The following OLA1 variants were observed in gnomAD, a reference collection of about 807,000 sequenced individuals.
The protein encoded by OLA1 is obg-like ATPase 1.
OLA1 carries 14 observed loss-of-function variants against 48.4 expected under a neutral mutation model. The ratio of observed to expected loss-of-function variants is 0.29; its 90% CI spans 0.19 to 0.45. OLA1 has a LOEUF of 0.45. Among genes scored for constraint, OLA1 ranks in the 20% least tolerant of loss-of-function variants. The pLI is 1.00. For synonymous variants in OLA1, 127 were observed against 150.4 expected (o/e 0.84, Z 1.14); for missense variants, 325 against 467.1 (o/e 0.70, Z 2.80).
At chr2:174,141,754 C>T (rs1383188703) in intron 5 of OLA1, 71 bp downstream of exon 5, 1 of 1,118,532 alleles carries the variant, frequency 8.9e-7, no homozygotes, top group Non-Finnish European at 1.3e-6. Flanking sequence ...GTATCATATG[C>T]ATTATTTAAA....
chr2:174,123,712 T>A (rs1685976699), intron 5 of OLA1, 37 bp from the exon 6 acceptor site: 3 of 1,100,920 alleles, frequency 2.7e-6, no homozygotes, highest in Non-Finnish European at 3.9e-6. Context: ...TATATATGAA[T>A]AACTAAACAT....
chr2:174,189,761 A>G (rs929131816), intron 4 of OLA1, among the ~76,000 whole-genome samples: 15 of 151,992 alleles, frequency 9.9e-5, no homozygotes, highest in Non-Finnish European at 1.0e-4. Flanking sequence ...TGACCCAACA[A>G]TCCCATTTTT....
intron 5 of OLA1, 23 bp from the exon 6 acceptor site, chr2:174,123,698 T>C (rs1164280464): frequency 7.8e-7 from 1 of 1,282,558 alleles, no homozygotes; most frequent in Non-Finnish European, 1.1e-6. Context: ...GAGAAAAAGG[T>C]AAATATATAT....
intron 5 of OLA1, among the ~76,000 whole-genome samples, chr2:174,132,402 ATTG>A (rs1686204617): frequency 6.6e-6 from 1 of 151,476 alleles, no homozygotes; most frequent in Non-Finnish European, 1.5e-5. Context: ...GGTTCCTTTT[ATTG>A]TTCTTTTTCT....
At chr2:174,174,656 A>G (rs1383147349) in intron 4 of OLA1, among the ~76,000 whole-genome samples, 1 of 152,080 alleles carries the variant, frequency 6.6e-6, no homozygotes, top group Non-Finnish European at 1.5e-5. Flanking sequence ...TACTGTTGAG[A>G]AGAGACCTAA....
chr2:174,144,756 C>T (rs1686538164), intron 4 of OLA1, among the ~76,000 whole-genome samples: 1 of 150,686 alleles, frequency 6.6e-6, no homozygotes, highest in African/African-American at 2.4e-5. Flanking sequence ...AGTTTGAGAT[C>T]AGCCTAGGCA....
intron 7 of OLA1, among the ~76,000 whole-genome samples, chr2:174,093,669 C>T (rs749895022): frequency 7.9e-5 from 12 of 152,158 alleles, no homozygotes; most frequent in Admixed American, 2.6e-4. Context: ...TTGTAAACAT[C>T]GCACATGGAA....
chr2:174,117,105 G>T (rs1685802471), intron 7 of OLA1, among the ~76,000 whole-genome samples: 1 of 152,046 alleles, frequency 6.6e-6, no homozygotes, highest in Non-Finnish European at 1.5e-5. Flanking sequence ...TGATATCATG[G>T]GAGTCTCACT....
At chr2:174,121,334 C>T (rs966943404) in intron 7 of OLA1, among the ~76,000 whole-genome samples, 4 of 152,062 alleles carry the variant, frequency 2.6e-5, no homozygotes, top group African/African-American at 4.8e-5. Flanking sequence ...TCATTTTTTA[C>T]GAGCAGGGAT....
At chr2:174,237,892 C>G (rs1419736997) in intron 2 of OLA1, among the ~76,000 whole-genome samples, 1 of 152,212 alleles carries the variant, frequency 6.6e-6, no homozygotes, top group Admixed American at 6.5e-5. Context: ...TTTACACTAG[C>G]ATCACCACAA....
At chr2:174,247,857 A>T in intron 1 of OLA1, 1 of 1,459,818 alleles carries the variant, frequency 6.9e-7, no homozygotes, top group Non-Finnish European at 9.3e-7. Context: ...TCTCCAAATC[A>T]TGCGTGCAGA....
At chr2:174,100,468 A>G (rs944947550) in intron 7 of OLA1, among the ~76,000 whole-genome samples, 1 of 152,236 alleles carries the variant, frequency 6.6e-6, no homozygotes, top group East Asian at 1.9e-4. Flanking sequence ...GCAGTGGCAC[A>G]ATCATGGTTC....
At chr2:174,129,333 C>T (rs1232633229) in intron 5 of OLA1, among the ~76,000 whole-genome samples, 3 of 151,914 alleles carry the variant, frequency 2.0e-5, no homozygotes, top group Non-Finnish European at 4.4e-5. Context: ...TGGCAGGTGC[C>T]TGTAGTCCCA....
chr2:174,241,054 C>T (rs1688988423), intron 2 of OLA1, among the ~76,000 whole-genome samples: 2 of 152,148 alleles, frequency 1.3e-5, no homozygotes, highest in Admixed American at 1.3e-4. Context: ...CACTGCCACA[C>T]CTCCATTCTC....
chr2:174,120,053 AATT>A (rs1334568119), intron 7 of OLA1, among the ~76,000 whole-genome samples: 1 of 152,092 alleles, frequency 6.6e-6, no homozygotes, highest in Non-Finnish European at 1.5e-5. Context: ...AATAAAATAT[AATT>A]ATCCTTTATT....
intron 4 of OLA1, among the ~76,000 whole-genome samples, chr2:174,181,503 A>G (rs913119615): frequency 1.3e-5 from 2 of 152,218 alleles, no homozygotes; most frequent in Non-Finnish European, 2.9e-5. Context: ...AAGAGAGGGC[A>G]TGACAGCAGG....
At chr2:174,114,442 A>T (rs1363238584) in intron 7 of OLA1, among the ~76,000 whole-genome samples, 2 of 151,918 alleles carry the variant, frequency 1.3e-5, no homozygotes, top group East Asian at 3.9e-4. Flanking sequence ...GACAAAACTT[A>T]AAAGTCATGT....
intron 7 of OLA1, among the ~76,000 whole-genome samples, chr2:174,117,529 G>C (rs956765172): frequency 6.6e-6 from 1 of 152,058 alleles, no homozygotes; most frequent in African/African-American, 2.4e-5. Flanking sequence ...TATTATTAAT[G>C]GTCCCTAACA....
intron 3 of OLA1, among the ~76,000 whole-genome samples, chr2:174,228,886 T>C (rs1237495887): frequency 6.6e-6 from 1 of 152,208 alleles, no homozygotes; most frequent in East Asian, 1.9e-4. Flanking sequence ...TGCATTACTT[T>C]TTTCTTTTTG....
Sources: allele counts gnomAD v4.1 joint callset (sites outside exome capture counted in the v4.1 genomes callset), GRCh38; gene constraint gnomAD v4.1.1; transcripts MANE v1.5; gene names NCBI Gene and HGNC (gene_info 2026-07-23, HGNC 2026-07-21).